The following C19orf47 variants were observed in gnomAD, a reference collection of about 807,000 sequenced individuals.
C19orf47 encodes chromosome 19 open reading frame 47.
Under a neutral mutation model 32.3 loss-of-function variants are expected in C19orf47, and 18 were observed. The ratio of observed to expected loss-of-function variants is 0.56; its 90% CI spans 0.39 to 0.83. The LOEUF (loss-of-function observed/expected upper bound fraction) is 0.83. Ranked by LOEUF, C19orf47 falls within the 40% of genes least tolerant of loss-of-function variation. C19orf47 has a pLI of 0.00. For synonymous variants in C19orf47, 202 were observed against 211.1 expected (o/e 0.96, Z 0.37); for missense variants, 484 against 531.6 (o/e 0.91, Z 0.88).
At chr19:40,340,141 G>C (rs1052398612) in intron 2 of C19orf47, among the ~76,000 whole-genome samples, 2 of 151,632 alleles carry the variant, frequency 1.3e-5, no homozygotes, top group African/African-American at 4.8e-5. Flanking sequence ...TGGGTAATAG[G>C]GTTTGGATTT....
In C19orf47 at chr19:40,333,937, A is replaced by G. The variant is rs566237192; in HGVS notation, c.223-8T>C. The G allele has an allele frequency of 7.1e-5, 110 of 1,556,408 alleles. No homozygotes were observed. The highest frequency in any genetic ancestry group is 9.8e-5 in the Admixed American group (5 of 50,910). ...GGCAGCTTTGCACATGTCCTGTGAA[A>G]AAAGAACAGGCACCTGGGTCACCAC... On this transcript the variant is annotated splice_region_variant and splice_polypyrimidine_tract_variant and intron_variant, in intron 4 of 8. Transcript: ENST00000683109.
downstream of C19orf47, among the ~76,000 whole-genome samples, chr19:40,315,479 C>T (rs2077655664): frequency 6.6e-6 from 1 of 152,024 alleles, no homozygotes; most frequent in African/African-American, 2.4e-5. Context: ...GACCTCGTCT[C>T]TACAAGAAAA....
Position 40,333,907 on chromosome 19 carries a change from T to G in C19orf47, c.245A>C (p.Glu82Ala). Residue 82 changes from glutamate (E) to alanine (A), a missense_variant, in exon 5 of 9, where the codon GAG (glutamate) becomes GCG (alanine). By Grantham distance (107) the Glu-to-Ala change is moderately radical (BLOSUM62 -1). Transcript: ENST00000683109. ...GGGGCTAGGGCTGCAGGGTACTGAC[T>G]CAGTGGCAGCTTTGCACATGTCCTG... ...HRQDMCKAAT[E>A]SVPCSPSPLA... is the part of the protein sequence containing the mutation. 4 of 1,575,736 alleles carry G rather than the reference T, an allele frequency of 2.5e-6. No individual in the cohort carries two copies. The highest frequency in any genetic ancestry group is 3.5e-6 in the Non-Finnish European group (4 of 1,159,312).
intron 6 of C19orf47, among the ~76,000 whole-genome samples, chr19:40,326,950 A>T (rs2077843407): frequency 6.6e-6 from 1 of 152,098 alleles, no homozygotes. Flanking sequence ...AAGGGTTAAA[A>T]GAGCCAGTTG....
the C19orf47 span, among the ~76,000 whole-genome samples, chr19:40,297,550 A>G: frequency 6.6e-6 from 1 of 152,040 alleles, no homozygotes; most frequent in Admixed American, 6.6e-5. Context: ...AAAATACAAA[A>G]ATTAGCTGGG....
chr19:40,324,299 TTC>T (rs2077783761), intron 7 of C19orf47: 8 of 588,602 alleles, frequency 1.4e-5, no homozygotes, highest in Admixed American at 1.1e-4. Flanking sequence ...AAGTGGCAGA[TTC>T]CCTACACCTC....
intron 5 of C19orf47, among the ~76,000 whole-genome samples, chr19:40,329,278 G>A (rs2077899933): frequency 1.3e-5 from 2 of 151,992 alleles, no homozygotes; most frequent in Non-Finnish European, 2.9e-5. Flanking sequence ...GAGGCCTAGG[G>A]GGATGGATCA....
At chr19:40,295,794 T>G in the C19orf47 span, among the ~76,000 whole-genome samples, 1 of 152,144 alleles carries the variant, frequency 6.6e-6, no homozygotes, top group Non-Finnish European at 1.5e-5. Context: ...TCACCCAGGC[T>G]GGAGCGCAGC....
the C19orf47 span, among the ~76,000 whole-genome samples, chr19:40,301,632 G>A: frequency 2.0e-5 from 3 of 151,702 alleles, no homozygotes; most frequent in Admixed American, 6.6e-5. Flanking sequence ...GAGCCACCGC[G>A]CCTGGCCTGA....
the C19orf47 span, among the ~76,000 whole-genome samples, chr19:40,293,204 G>A: frequency 1.4e-4 from 21 of 151,154 alleles, 1 homozygote; most frequent in East Asian, 2.0e-3. Context: ...GCAGTGGTGC[G>A]ATCTCGGCTC....
the C19orf47 span, among the ~76,000 whole-genome samples, chr19:40,311,533 C>A: frequency 4.0e-5 from 6 of 151,850 alleles, no homozygotes; most frequent in African/African-American, 1.2e-4. Context: ...CAGAGCAAGA[C>A]CCTGTCTCAA....
At chr19:40,292,995 C>T in the C19orf47 span, among the ~76,000 whole-genome samples, 2 of 152,074 alleles carry the variant, frequency 1.3e-5, no homozygotes, top group African/African-American at 2.4e-5. Context: ...CTCCCTGCAC[C>T]CTCCCATAAC....
At chr19:40,334,143 GCCT>G (rs1380208589) in intron 4 of C19orf47, among the ~76,000 whole-genome samples, 4 of 152,190 alleles carry the variant, frequency 2.6e-5, no homozygotes, top group Non-Finnish European at 5.9e-5. Flanking sequence ...CTGAAGTTCA[GCCT>G]CCTCACCTAT....
chr19:40,327,509 C>A (rs1005600481), intron 6 of C19orf47, among the ~76,000 whole-genome samples: 6 of 152,098 alleles, frequency 3.9e-5, no homozygotes, highest in Non-Finnish European at 7.4e-5. Context: ...GAGGGTGAGG[C>A]ACTTCCAAAC....
the C19orf47 span, among the ~76,000 whole-genome samples, chr19:40,313,373 A>G: frequency 6.6e-6 from 1 of 152,076 alleles, no homozygotes; most frequent in African/African-American, 2.4e-5. Context: ...TGCCCAGGCT[A>G]GAGTGCAGTG....
chr19:40,297,805 C>A, the C19orf47 span, among the ~76,000 whole-genome samples: 1,743 of 147,398 alleles, frequency 0.012, 33 homozygotes, highest in African/African-American at 0.041. Flanking sequence ...ACCTGAGAGG[C>A]GGAGGTTGCA....
At chr19:40,304,030 G>C in the C19orf47 span, among the ~76,000 whole-genome samples, 1 of 152,152 alleles carries the variant, frequency 6.6e-6, no homozygotes, top group African/African-American at 2.4e-5. Context: ...TTAAATACCT[G>C]TTTGCTTGTG....
intron 6 of C19orf47, among the ~76,000 whole-genome samples, chr19:40,326,981 G>A (rs971729096): frequency 4.0e-5 from 6 of 150,394 alleles, no homozygotes; most frequent in Non-Finnish European, 8.9e-5. Flanking sequence ...CGCCATCTTC[G>A]CAATACTTTG....
chr19:40,317,405 G>A (rs992328712), downstream of C19orf47, among the ~76,000 whole-genome samples: 11 of 152,042 alleles, frequency 7.2e-5, no homozygotes, highest in Admixed American at 7.2e-4. Context: ...ACCAGCCTGG[G>A]CAACATAGAA....
Sources: gnomAD v4.1 joint callset for allele counts (sites outside exome capture counted in the v4.1 genomes callset) on GRCh38, gnomAD v4.1.1 for gene constraint, MANE v1.5 for transcripts, NCBI Gene and HGNC (gene_info 2026-07-23, HGNC 2026-07-21) for gene names.